CDKAL1: variants seen among roughly 807,000 people sequenced by gnomAD.
CDKAL1 encodes the protein threonylcarbamoyladenosine tRNA methylthiotransferase.
A neutral mutation model predicts 68.2 loss-of-function variants in CDKAL1; 32 were observed. The ratio of observed to expected loss-of-function variants is 0.47; its 90% confidence interval spans 0.35 to 0.63. CDKAL1 has a LOEUF of 0.63. Ranked by LOEUF, CDKAL1 falls within the 30% of genes least tolerant of loss-of-function variation. The pLI, the probability that CDKAL1 is intolerant of heterozygous loss-of-function variation, is 0.00. For missense variants in CDKAL1, 606 were observed against 696.7 expected (o/e 0.87, Z 1.47); for synonymous variants, 234 against 244.3 (o/e 0.96, Z 0.39).
intron 8 of CDKAL1, among the ~76,000 whole-genome samples, chr6:20,787,276 T>G (rs1019115669): frequency 6.6e-6 from 1 of 151,990 alleles, no homozygotes; most frequent in African/African-American, 2.4e-5. Context: ...AGCATTTTTT[T>G]CCCCCTGTAA....
intron 11 of CDKAL1, among the ~76,000 whole-genome samples, chr6:21,058,012 T>C (rs1290331840): frequency 6.6e-6 from 1 of 152,250 alleles, no homozygotes; most frequent in African/African-American, 2.4e-5. Flanking sequence ...GAGAGTTCTG[T>C]AGATATCCAT....
intron 5 of CDKAL1, among the ~76,000 whole-genome samples, chr6:20,653,734 C>G (rs913873716): frequency 6.6e-6 from 1 of 152,056 alleles, no homozygotes; most frequent in African/African-American, 2.4e-5. Context: ...CCTGCCTCAG[C>G]CTCTCGAGTA....
chr6:21,226,302 T>G (rs200774668), intron 15 of CDKAL1, among the ~76,000 whole-genome samples: 1 of 132,088 alleles, frequency 7.6e-6, no homozygotes, highest in African/African-American at 2.9e-5. Flanking sequence ...TTTTTTTTTT[T>G]GAAATTTTGG....
intron 5 of CDKAL1, among the ~76,000 whole-genome samples, chr6:20,713,281 G>GT (rs1191724571): frequency 6.6e-6 from 1 of 152,066 alleles, no homozygotes; most frequent in Non-Finnish European, 1.5e-5. Flanking sequence ...ACTAACAAGG[G>GT]TTTTTTTCTT....
chr6:21,087,733 A>T (rs1772769789), intron 12 of CDKAL1, among the ~76,000 whole-genome samples: 1 of 152,142 alleles, frequency 6.6e-6, no homozygotes, highest in Non-Finnish European at 1.5e-5. Flanking sequence ...GAATAATTTT[A>T]TATATGTGTG....
chr6:21,051,014 G>A (rs1770510777), intron 11 of CDKAL1, among the ~76,000 whole-genome samples: 1 of 152,132 alleles, frequency 6.6e-6, no homozygotes, highest in African/African-American at 2.4e-5. Context: ...CTGACAAATA[G>A]GATCAAGGTT....
intron 12 of CDKAL1, among the ~76,000 whole-genome samples, chr6:21,084,428 T>C (rs541044314): frequency 1.3e-5 from 2 of 152,276 alleles, no homozygotes; most frequent in Admixed American, 1.3e-4. Context: ...TCAAAACCTA[T>C]GTGGGTTAAG....
chr6:21,013,031 G>A (rs1469458246), intron 11 of CDKAL1, among the ~76,000 whole-genome samples: 1 of 152,106 alleles, frequency 6.6e-6, no homozygotes, highest in Non-Finnish European at 1.5e-5. Flanking sequence ...ACTGGCCTCT[G>A]TCCTTCTTCC....
At chr6:20,904,518 G>T (rs1475053805) in intron 9 of CDKAL1, among the ~76,000 whole-genome samples, 1 of 152,054 alleles carries the variant, frequency 6.6e-6, no homozygotes, top group Non-Finnish European at 1.5e-5. Flanking sequence ...GGTCTGGCAC[G>T]GTGGCTCATA....
At chr6:21,128,390 C>T (rs1004357892) in intron 13 of CDKAL1, among the ~76,000 whole-genome samples, 1 of 152,148 alleles carries the variant, frequency 6.6e-6, no homozygotes, top group Non-Finnish European at 1.5e-5. Context: ...CAGGATGTAA[C>T]CACATCATAT....
chr6:20,919,910 T>C (rs544731405), intron 9 of CDKAL1, among the ~76,000 whole-genome samples: 1 of 152,296 alleles, frequency 6.6e-6, no homozygotes, highest in African/African-American at 2.4e-5. Flanking sequence ...AGAGAGGCTC[T>C]GCTTAGATTC....
chr6:20,817,142 G>A (rs924261353), intron 8 of CDKAL1, among the ~76,000 whole-genome samples: 1 of 152,086 alleles, frequency 6.6e-6, no homozygotes, highest in African/African-American at 2.4e-5. Flanking sequence ...CTAGTTATTG[G>A]TATAGTTGGA....
chr6:20,859,418 C>T (rs928361082), intron 9 of CDKAL1, among the ~76,000 whole-genome samples: 56 of 152,260 alleles, frequency 3.7e-4, no homozygotes, highest in East Asian at 1.9e-4. Context: ...TCTATGAATA[C>T]GTAAAAGAAC....
chr6:20,771,715 A>G (rs1413865280), intron 7 of CDKAL1, among the ~76,000 whole-genome samples: 1 of 152,110 alleles, frequency 6.6e-6, no homozygotes, highest in African/African-American at 2.4e-5. Flanking sequence ...GTACTGGCCC[A>G]TAGGGAATTC....
chr6:20,572,793 A>G (rs1764756300), intron 4 of CDKAL1, among the ~76,000 whole-genome samples: 1 of 139,490 alleles, frequency 7.2e-6, no homozygotes, highest in African/African-American at 2.5e-5. Flanking sequence ...TTATTTTTAG[A>G]TGGAAAAAAA....
chr6:21,163,833 C>A (rs1160702197), intron 13 of CDKAL1, among the ~76,000 whole-genome samples: 1 of 152,082 alleles, frequency 6.6e-6, no homozygotes, highest in African/African-American at 2.4e-5. Context: ...ATCCTGTAAT[C>A]TCAGCTACTT....
intron 11 of CDKAL1, among the ~76,000 whole-genome samples, chr6:21,037,045 T>C (rs1769633535): frequency 6.6e-6 from 1 of 152,166 alleles, no homozygotes; most frequent in South Asian, 2.1e-4. Flanking sequence ...AGAACATTGA[T>C]TTTTTTGGAC....
chr6:21,094,530 T>C (rs1773222980), intron 12 of CDKAL1, among the ~76,000 whole-genome samples: 1 of 152,148 alleles, frequency 6.6e-6, no homozygotes, highest in South Asian at 2.1e-4. Flanking sequence ...TAGAATCTTA[T>C]TTAGGTGTAC....
intron 4 of CDKAL1, among the ~76,000 whole-genome samples, chr6:20,646,699 A>T (rs1412241784): frequency 3.9e-5 from 6 of 152,216 alleles, no homozygotes; most frequent in Admixed American, 3.9e-4. Context: ...TAAAGCTGGC[A>T]TCTGATACAG....
Sources: gnomAD v4.1 joint callset for allele counts (sites outside exome capture counted in the v4.1 genomes callset) on GRCh38, gnomAD v4.1.1 for gene constraint, MANE v1.5 for transcripts, NCBI Gene and HGNC (gene_info 2026-07-23, HGNC 2026-07-21) for gene names.